ATXN1: variants seen among roughly 807,000 people sequenced by gnomAD.
ATXN1 encodes the protein ataxin-1.
A neutral mutation model predicts 56.4 loss-of-function variants in ATXN1; 8 were observed. The observed-to-expected ratio is 0.14, with a 90% CI of 0.08 to 0.26. The LOEUF (loss-of-function observed/expected upper bound fraction) is 0.26, where lower values mean the gene tolerates loss of function less well. Among genes scored for constraint, ATXN1 ranks in the 10% least tolerant of loss-of-function variants. The probability of loss-of-function intolerance (pLI) is 1.00; values close to 1 mark genes in which losing one functional copy is unlikely to be tolerated. For missense variants in ATXN1, 987 were observed against 1,106.5 expected, an observed-to-expected ratio of 0.89 and a Z score of 1.53; for synonymous variants, 514 against 494.6, an observed-to-expected ratio of 1.04 and a Z score of -0.52.
At chr6:16,628,755 T>C (rs1338280654) in intron 3 of ATXN1, among the ~76,000 whole-genome samples, 1 of 152,230 alleles carries the variant, frequency 6.6e-6, no homozygotes, top group Non-Finnish European at 1.5e-5. Flanking sequence ...CTAAGGATAA[T>C]GGCCTCCAGC....
chr6:16,758,824 C>T (rs1319150000), intron 1 of ATXN1, among the ~76,000 whole-genome samples: 2 of 152,166 alleles, frequency 1.3e-5, no homozygotes, highest in African/African-American at 4.8e-5. Flanking sequence ...CATTTATTTG[C>T]GGAGCTGCTA....
Position 16,423,740 on chromosome 6 carries a change from G to C in ATXN1, c.-161+62232C>G, listed in dbSNP as rs137988256. Among the ~76,000 whole-genome samples the C allele has an allele frequency of 1.1e-3, 174 of 152,300 alleles. 1 individual carries two copies. Among genetic ancestry groups the C allele is most frequent in the African/African-American group, 4.1e-3 (170 of 41,574 alleles). On this transcript the variant is annotated intron_variant, in intron 6 of 7. Coordinates refer to ENST00000436367, the MANE Select transcript of ATXN1 (RefSeq NM_001128164.2). ...TGTGAGTGGACAGAAATTAAATAAA[G>C]GGGTTTCCAAGTTAAGTACAGTGCT...
Position 16,306,696 on chromosome 6 carries a change from G to C in ATXN1, c.2081C>G (p.Ser694Cys). 1 of 1,614,176 alleles carries C rather than the reference G, an allele frequency of 6.2e-7. No individual in the cohort carries two copies. The highest frequency in any genetic ancestry group is 1.3e-5 in the African/African-American group (1 of 75,026). ...SLTLKNLKNG[S>C]VKKGQPVDPA... ...ATCCACGGGCTGGCCCTTTTTAACAGAGCCGTTCTTCAGGTTCTTGAGGGT... is the reference window on the plus strand; with the variant it reads ...ATCCACGGGCTGGCCCTTTTTAACACAGCCGTTCTTCAGGTTCTTGAGGGT... Residue 694 changes from serine to cysteine, a missense_variant, in exon 8 of 8, where the codon TCT (serine) becomes TGT (cysteine). By Grantham distance (112) the Ser-to-Cys change is moderately radical. Transcript: ENST00000436367. The surrounding 1 kb of genome is among the most constrained non-coding windows in gnomAD (Gnocchi z 5.2).
At chr6:16,701,274 G>A (rs16878841) in intron 2 of ATXN1, among the ~76,000 whole-genome samples, 1,609 of 152,344 alleles carry the variant, frequency 0.011, 18 homozygotes, top group Middle Eastern at 0.027. Flanking sequence ...AGGGAATGGC[G>A]CTCAGGCGAT....
At chr6:16,665,724 C>A (rs1758410776) in intron 2 of ATXN1, among the ~76,000 whole-genome samples, 1 of 152,168 alleles carries the variant, frequency 6.6e-6, no homozygotes, top group Admixed American at 6.5e-5. Flanking sequence ...AGACCATTAA[C>A]CCATGTGGTC....
chr6:16,564,994 TC>T (rs1451329656), intron 4 of ATXN1, among the ~76,000 whole-genome samples: 4 of 152,170 alleles, frequency 2.6e-5, no homozygotes, highest in African/African-American at 9.7e-5. Context: ...CTTATGAATA[TC>T]AGAAGATGTC....
chr6:16,703,265 G>A (rs1172327510), intron 2 of ATXN1, among the ~76,000 whole-genome samples: 1 of 152,062 alleles, frequency 6.6e-6, no homozygotes, highest in Non-Finnish European at 1.5e-5. Flanking sequence ...CTCACTCATA[G>A]GTGGGAATTG....
intron 7 of ATXN1, among the ~76,000 whole-genome samples, chr6:16,319,393 CA>C (rs1421000148): frequency 6.6e-6 from 1 of 152,100 alleles, no homozygotes; most frequent in Non-Finnish European, 1.5e-5. Context: ...CTGGAACAGG[CA>C]AAACTATGGA....
intron 6 of ATXN1, among the ~76,000 whole-genome samples, chr6:16,358,714 G>C (rs977189917): frequency 6.6e-6 from 1 of 152,198 alleles, no homozygotes; most frequent in African/African-American, 2.4e-5. Flanking sequence ...TGCAGACCCA[G>C]GCCTCCTGCT....
chr6:16,324,760 T>C (rs1057053534), intron 7 of ATXN1, among the ~76,000 whole-genome samples: 3 of 152,084 alleles, frequency 2.0e-5, no homozygotes, highest in Admixed American at 6.5e-5. Flanking sequence ...TGGAAAAGGG[T>C]AGATTGAAGG....
At chr6:16,574,025 TTTTTG>T (rs972386261) in intron 4 of ATXN1, among the ~76,000 whole-genome samples, 6 of 152,128 alleles carry the variant, frequency 3.9e-5, no homozygotes, top group African/African-American at 1.2e-4. Flanking sequence ...TGAACTAGAT[TTTTTG>T]TTTTGTTTTG....
intron 5 of ATXN1, among the ~76,000 whole-genome samples, chr6:16,508,884 G>A (rs1561731857): frequency 6.6e-6 from 1 of 152,108 alleles, no homozygotes; most frequent in Non-Finnish European, 1.5e-5. Context: ...ATGGACAGAT[G>A]AATGAATAAA....
chr6:16,555,130 T>G (rs183017876), intron 4 of ATXN1, among the ~76,000 whole-genome samples: 2 of 152,232 alleles, frequency 1.3e-5, no homozygotes, highest in Non-Finnish European at 1.5e-5. Flanking sequence ...AAGAACATGC[T>G]TCCTGTTTAT....
intron 6 of ATXN1, among the ~76,000 whole-genome samples, chr6:16,462,515 T>C (rs1760019983): frequency 6.6e-6 from 1 of 152,110 alleles, no homozygotes; most frequent in Non-Finnish European, 1.5e-5. Flanking sequence ...CCTTTTACAG[T>C]TTCATCACAT....
chr6:16,539,362 C>G (rs1248076024), intron 4 of ATXN1, among the ~76,000 whole-genome samples: 3 of 152,170 alleles, frequency 2.0e-5, no homozygotes, highest in Non-Finnish European at 2.9e-5. Flanking sequence ...CCAACTAGCT[C>G]AGAGGCCTAT....
intron 3 of ATXN1, among the ~76,000 whole-genome samples, chr6:16,628,526 T>G (rs765189466): frequency 9.2e-5 from 14 of 152,196 alleles, no homozygotes; most frequent in Non-Finnish European, 1.9e-4. Context: ...GATAAACTCA[T>G]GCCATGGGGG....
chr6:16,622,777 C>CA (rs1763341137), intron 3 of ATXN1, among the ~76,000 whole-genome samples: 1 of 152,044 alleles, frequency 6.6e-6, no homozygotes, highest in African/African-American at 2.4e-5. Flanking sequence ...TTTAAAATGG[C>CA]AGAAATAGCT....
chr6:16,349,226 T>G (rs1439122007), intron 6 of ATXN1, among the ~76,000 whole-genome samples: 1 of 152,208 alleles, frequency 6.6e-6, no homozygotes, highest in Non-Finnish European at 1.5e-5. Flanking sequence ...ATTTTCAGGC[T>G]GGGCATGGTG....
At position 16,728,164 on chromosome 6, in the gene ATXN1, C is replaced by T. The variant is rs965661709; in HGVS notation, c.-615+25069G>A. ...CTCTTTCTGCCACACTACCCTGGAGCTGAAAGGAGGCAAAGGCCTCCAGTC... is the reference window on the plus strand; with the variant it reads ...CTCTTTCTGCCACACTACCCTGGAGTTGAAAGGAGGCAAAGGCCTCCAGTC... On this transcript the variant is annotated intron_variant, in intron 2 of 7. Coordinates refer to ENST00000436367, the MANE Select transcript of ATXN1 (RefSeq NM_001128164.2). Among the ~76,000 whole-genome samples the T allele has an allele frequency of 2.0e-5, 3 of 152,216 alleles. No individual in the cohort carries two copies. The East Asian group carries it at 5.8e-4, about 29-fold the overall frequency.
Sources: allele counts gnomAD v4.1 joint callset (sites outside exome capture counted in the v4.1 genomes callset), GRCh38; gene constraint gnomAD v4.1.1; non-coding constraint Gnocchi (gnomAD v3.1); transcripts MANE v1.5; gene names NCBI Gene and HGNC (gene_info 2026-07-23, HGNC 2026-07-21).